EEPD1: variants seen among roughly 807,000 people sequenced by gnomAD.
EEPD1 encodes the protein endonuclease/exonuclease/phosphatase family domain containing 1, also known as endonuclease/exonuclease/phosphatase family domain-containing protein 1.
EEPD1 carries 17 observed loss-of-function variants against 46.3 expected under a neutral mutation model. That is an observed-to-expected ratio of 0.37 (90% CI 0.25 to 0.55). The LOEUF (loss-of-function observed/expected upper bound fraction) is 0.55, where lower values mean the gene tolerates loss of function less well. Among genes scored for constraint, EEPD1 ranks in the 20% least tolerant of loss-of-function variants. The pLI, the probability that EEPD1 is intolerant of heterozygous loss-of-function variation, is 0.83. For missense variants in EEPD1, 673 were observed against 745.6 expected (o/e 0.90, Z 1.13); for synonymous variants, 313 against 315.6 (o/e 0.99, Z 0.09).
chr7:36,259,174 C>T (rs950226490), intron 3 of EEPD1, among the ~76,000 whole-genome samples: 2 of 152,134 alleles, frequency 1.3e-5, no homozygotes, highest in African/African-American at 4.8e-5. Flanking sequence ...TGGGCTGCAC[C>T]CACTGTCTAA....
At chr7:36,296,382 C>G (rs1335991403) in intron 6 of EEPD1, among the ~76,000 whole-genome samples, 1 of 152,166 alleles carries the variant, frequency 6.6e-6, no homozygotes, top group Non-Finnish European at 1.5e-5. Context: ...CCCTGGGAAG[C>G]CAGGCTGTTT....
At chr7:36,163,883 G>GAAAA (rs11411037) in intron 2 of EEPD1, among the ~76,000 whole-genome samples, 1 of 111,066 alleles carries the variant, frequency 9.0e-6, no homozygotes, top group Non-Finnish European at 1.9e-5. Flanking sequence ...ATCTCAGGAA[G>GAAAA]AAAAAAAAAA....
At chr7:36,267,460 G>C (rs1422309189) in intron 3 of EEPD1, among the ~76,000 whole-genome samples, 1 of 152,044 alleles carries the variant, frequency 6.6e-6, no homozygotes, top group African/African-American at 2.4e-5. Flanking sequence ...TGCACATGCT[G>C]TCTGTGCTGC....
intron 2 of EEPD1, among the ~76,000 whole-genome samples, chr7:36,229,080 C>A (rs1217994152): frequency 6.6e-6 from 1 of 152,160 alleles, no homozygotes; most frequent in Non-Finnish European, 1.5e-5. Flanking sequence ...GTGCGGAAAC[C>A]CCTTCCCTGT....
intron 2 of EEPD1, among the ~76,000 whole-genome samples, chr7:36,162,642 T>TA (rs927106772): frequency 4.6e-5 from 7 of 151,074 alleles, no homozygotes; most frequent in Admixed American, 2.6e-4. Flanking sequence ...GACCCTGTCT[T>TA]AAAAAAAAAG....
At chr7:36,278,881 T>A (rs1787219501) in intron 3 of EEPD1, among the ~76,000 whole-genome samples, 1 of 152,126 alleles carries the variant, frequency 6.6e-6, no homozygotes, top group East Asian at 1.9e-4. Context: ...CCCCACTCCC[T>A]CGCCCCTGTC....
chr7:36,175,405 AT>A (rs1309865832), intron 2 of EEPD1, among the ~76,000 whole-genome samples: 3 of 151,928 alleles, frequency 2.0e-5, no homozygotes, highest in South Asian at 2.1e-4. Flanking sequence ...TAATTTTTAA[AT>A]TTTTTTGTAG....
chr7:36,283,965 G>A (rs1371154904), intron 4 of EEPD1, among the ~76,000 whole-genome samples: 1 of 152,222 alleles, frequency 6.6e-6, no homozygotes, highest in African/African-American at 2.4e-5. Context: ...GGAGAAGTGT[G>A]TCTTCTTCCA....
At chr7:36,229,649 A>G (rs971425395) in intron 2 of EEPD1, among the ~76,000 whole-genome samples, 3 of 152,096 alleles carry the variant, frequency 2.0e-5, no homozygotes, top group African/African-American at 7.2e-5. Flanking sequence ...CGCTCTCTCC[A>G]ATGCCACCAG....
rs1473624919 is a variant in EEPD1 at position 36,284,747 on chromosome 7, G to C, written c.1103G>C (p.Gly368Ala). 1.2e-6 allele frequency: 2 copies of C among 1,606,908 alleles called. No homozygotes were observed. Among genetic ancestry groups the C allele is most frequent in the South Asian group, 2.2e-5 (2 of 90,762 alleles). Residue 368 changes from glycine to alanine, a missense_variant, in exon 5 of 8, where the codon GGT becomes GCT. Gly to Ala is a moderately conservative substitution (Grantham distance 60). Coordinates refer to ENST00000242108, the MANE Select transcript of EEPD1 (RefSeq NM_030636.3). The part of the protein sequence containing the change: ...AAAGMELRDA[G>A]SQESSPSNGH... ...GCCGGCATGGAGCTGAGAGACGCGG[G>C]TTCACAGGAGAGCTCGCCAAGCAAC...
chr7:36,204,251 G>T (rs894842952), intron 2 of EEPD1, among the ~76,000 whole-genome samples: 2 of 151,880 alleles, frequency 1.3e-5, no homozygotes, highest in African/African-American at 4.8e-5. Context: ...GCCCAGGCTG[G>T]TCTCAAACTC....
chr7:36,230,566 C>G (rs1390648863), intron 2 of EEPD1, among the ~76,000 whole-genome samples: 1 of 152,178 alleles, frequency 6.6e-6, no homozygotes, highest in Non-Finnish European at 1.5e-5. Context: ...TCCTGCCACC[C>G]TACCTGGAAT....
intron 2 of EEPD1, among the ~76,000 whole-genome samples, chr7:36,171,622 T>C (rs1335250793): frequency 6.6e-6 from 1 of 152,260 alleles, no homozygotes; most frequent in Non-Finnish European, 1.5e-5. Flanking sequence ...TGTCTGAGTG[T>C]GTGTGAATTA....
intron 2 of EEPD1, among the ~76,000 whole-genome samples, chr7:36,172,140 C>G (rs9648428): frequency 1.3e-5 from 2 of 151,986 alleles, no homozygotes; most frequent in Non-Finnish European, 2.9e-5. Flanking sequence ...TTTTTGTCCA[C>G]GATTCCTAGC....
chr7:36,255,934 A>G (rs1256906744), intron 3 of EEPD1, among the ~76,000 whole-genome samples: 1 of 152,052 alleles, frequency 6.6e-6, no homozygotes, highest in Non-Finnish European at 1.5e-5. Context: ...TCAATTTTAG[A>G]TCTTTCCCGC....
rs575580915 is a variant in EEPD1, at chr7:36,184,002, T to C, written c.878+28800T>C. Among the ~76,000 whole-genome samples, 5 of 152,288 alleles carry C rather than the reference T, an allele frequency of 3.3e-5. No individual in the cohort carries two copies. The South Asian group carries it at 1.0e-3, about 32-fold the overall frequency. On this transcript the variant is annotated intron_variant, in intron 2 of 7. Transcript: ENST00000242108. The stretch of plus-strand genomic sequence containing the variant: ...GGAGCAAACTTTGTATCTTAGGTTC[T>C]TCTGGACTTGATTTTTTTAGCTTTT...
chr7:36,258,714 G>A (rs1023386273), intron 3 of EEPD1, among the ~76,000 whole-genome samples: 34 of 152,094 alleles, frequency 2.2e-4, no homozygotes, highest in Admixed American at 3.9e-4. Flanking sequence ...AGACTGCTGT[G>A]CTGGCAGCGA....
intron 2 of EEPD1, among the ~76,000 whole-genome samples, chr7:36,195,523 A>G (rs1222982536): frequency 6.6e-6 from 1 of 152,228 alleles, no homozygotes; most frequent in African/African-American, 2.4e-5. Flanking sequence ...GATCTCGCTT[A>G]TATGTGGAAT....
intron 2 of EEPD1, among the ~76,000 whole-genome samples, chr7:36,157,621 G>A (rs1464581970): frequency 3.9e-5 from 6 of 152,226 alleles, no homozygotes; most frequent in South Asian, 2.1e-4. Context: ...GACCCGCACC[G>A]TCACATTCTC....
Sources: gnomAD v4.1 joint callset for allele counts (sites outside exome capture counted in the v4.1 genomes callset) on GRCh38, gnomAD v4.1.1 for gene constraint, MANE v1.5 for transcripts, NCBI Gene and HGNC (gene_info 2026-07-23, HGNC 2026-07-21) for gene names.